Variants in MEGF9 observed in about 807,000 individuals in gnomAD.
MEGF9 encodes the protein multiple epidermal growth factor-like domains protein 9.
A neutral mutation model predicts 46.8 loss-of-function variants in MEGF9; 6 were observed. The ratio of observed to expected loss-of-function variants is 0.13; its 90% CI spans 0.07 to 0.25. The LOEUF is 0.25. Among genes scored for constraint, MEGF9 ranks in the 10% least tolerant of loss-of-function variants. The pLI is 1.00. For missense variants in MEGF9, 683 were observed against 792.4 expected (o/e 0.86, Z 1.66); for synonymous variants, 302 against 330.7 (o/e 0.91, Z 0.94).
At chr9:120,685,327 A>G (rs536645654) in intron 1 of MEGF9, among the ~76,000 whole-genome samples, 29 of 152,374 alleles carry the variant, frequency 1.9e-4, no homozygotes, top group African/African-American at 7.0e-4. Flanking sequence ...ACAACCGTCG[A>G]ACTTCCTCTA....
chr9:120,650,619 A>G (rs2043645457), intron 2 of MEGF9, among the ~76,000 whole-genome samples: 1 of 152,248 alleles, frequency 6.6e-6, no homozygotes, highest in Non-Finnish European at 1.5e-5. Flanking sequence ...GGCATAAAGA[A>G]TAGGGAAATG....
At chr9:120,615,678 T>C (rs2043469166) in intron 3 of MEGF9, among the ~76,000 whole-genome samples, 1 of 151,860 alleles carries the variant, frequency 6.6e-6, no homozygotes, top group Non-Finnish European at 1.5e-5. Context: ...GTGGATTGCT[T>C]GAGCCCCAGA....
chr9:120,667,113 A>G (rs2043728708), intron 1 of MEGF9, among the ~76,000 whole-genome samples: 3 of 152,216 alleles, frequency 2.0e-5, no homozygotes, highest in South Asian at 4.1e-4. Context: ...AGGTCTTACT[A>G]GATTCAATTT....
chr9:120,637,790 CAAAA>C (rs34861368), intron 2 of MEGF9, among the ~76,000 whole-genome samples: 1 of 34,776 alleles, frequency 2.9e-5, no homozygotes, highest in African/African-American at 1.1e-4. Context: ...GACTCTGTCT[CAAAA>C]AAAAAAAAAA....
rs1409259750 is a variant in MEGF9, at chr9:120,652,173, C to A, written c.803+7201G>T. ...ACACACACACACACACACACACACA[C>A]ACACACACAAAAAAAAAAAAAAAAA... On this transcript the variant is annotated intron_variant, in intron 2 of 5. Coordinates refer to ENST00000373930, the MANE Select transcript of MEGF9 (RefSeq NM_001080497.3). Among the ~76,000 whole-genome samples the A allele has an allele frequency of 3.1e-3, 78 of 25,440 alleles. 3 individuals are homozygous for A. The highest frequency in any genetic ancestry group is 9.0e-3 in the African/African-American group (70 of 7,802). 16.7% of individuals were successfully genotyped at this position (25,440 alleles called of 152,430 possible).
intron 2 of MEGF9, among the ~76,000 whole-genome samples, chr9:120,648,102 G>C (rs1321011058): frequency 6.6e-6 from 1 of 152,012 alleles, no homozygotes; most frequent in Non-Finnish European, 1.5e-5. Context: ...TTCTCAATCT[G>C]GTTTCCTTGC....
In MEGF9 at chr9:120,705,492, T is replaced by C. The variant is rs368227152; in HGVS notation, c.601+8266A>G. On this transcript the variant is annotated intron_variant, in intron 1 of 5. Transcript: ENST00000373930. ...AAAAGATATGAGTGAGAGGAACGCA[T>C]AGAAGGCTTTAAATTGAAAAAAAAT... 5.4e-5 allele frequency among the ~76,000 whole-genome samples: 8 copies of C among 148,412 alleles called. 1 individual carries two copies. The South Asian group carries it at 1.7e-3, about 32-fold the overall frequency.
chr9:120,710,995 C>T (rs1471816496), intron 1 of MEGF9, among the ~76,000 whole-genome samples: 1 of 152,070 alleles, frequency 6.6e-6, no homozygotes, highest in African/African-American at 2.4e-5. Context: ...ATTTTTTCAC[C>T]CAAAGACCAT....
intron 2 of MEGF9, among the ~76,000 whole-genome samples, chr9:120,632,019 C>A (rs990628278): frequency 6.6e-6 from 1 of 152,144 alleles, no homozygotes; most frequent in South Asian, 2.1e-4. Flanking sequence ...CCTCCACCTC[C>A]CAGGTTCAAG....
chr9:120,678,511 C>T (rs886650211), intron 1 of MEGF9, among the ~76,000 whole-genome samples: 36 of 152,142 alleles, frequency 2.4e-4, no homozygotes, highest in African/African-American at 8.2e-4. Flanking sequence ...CTCACTGTGT[C>T]GCCCAGGGTG....
At chr9:120,676,448 T>C (rs776522302) in intron 1 of MEGF9, among the ~76,000 whole-genome samples, 1 of 152,196 alleles carries the variant, frequency 6.6e-6, no homozygotes, top group Non-Finnish European at 1.5e-5. Context: ...TGGTTACAAC[T>C]GTGATTTTTT....
At chr9:120,667,467 T>C (rs984529107) in intron 1 of MEGF9, among the ~76,000 whole-genome samples, 1 of 152,238 alleles carries the variant, frequency 6.6e-6, no homozygotes, top group Non-Finnish European at 1.5e-5. Flanking sequence ...TTTTTTCATA[T>C]GCAATTGTTT....
At chr9:120,655,322 T>C (rs1439785087) in intron 2 of MEGF9, among the ~76,000 whole-genome samples, 1 of 152,162 alleles carries the variant, frequency 6.6e-6, no homozygotes, top group Non-Finnish European at 1.5e-5. Flanking sequence ...ATATTTACCA[T>C]TGTACTAAAA....
Position 120,622,266 on chromosome 9 carries a change from C to A in MEGF9, c.943+350G>T, listed in dbSNP as rs535172297. Among the ~76,000 whole-genome samples, 3 of 152,282 alleles carry A rather than the reference C, an allele frequency of 2.0e-5. No individual in the cohort carries two copies. In the South Asian group the frequency reaches 6.2e-4, roughly 32 times the overall value. On this transcript the variant is annotated intron_variant, in intron 3 of 5. Coordinates refer to ENST00000373930, the MANE Select transcript of MEGF9 (RefSeq NM_001080497.3). ...ATCTCTTTCCTAAAGAATTCCTTTG[C>A]TTGGGTCTAGCTCATTCTTTGCCTA... is the stretch of plus-strand genomic sequence containing the variant.
At chr9:120,612,045 A>G (rs1290809140) in intron 4 of MEGF9, among the ~76,000 whole-genome samples, 1 of 152,182 alleles carries the variant, frequency 6.6e-6, no homozygotes, top group Non-Finnish European at 1.5e-5. Context: ...ACTAATATAT[A>G]TATCAGGATT....
chr9:120,680,429 T>C (rs1425233783), intron 1 of MEGF9, among the ~76,000 whole-genome samples: 1 of 152,114 alleles, frequency 6.6e-6, no homozygotes, highest in African/African-American at 2.4e-5. Flanking sequence ...ATTCTGTGGA[T>C]TACCAAGCAG....
chr9:120,638,650 G>A (rs913398040), intron 2 of MEGF9, among the ~76,000 whole-genome samples: 2 of 152,142 alleles, frequency 1.3e-5, no homozygotes, highest in South Asian at 2.1e-4. Context: ...CTATATTCTC[G>A]CCAATACTTG....
chr9:120,701,415 C>T (rs1016083554), intron 1 of MEGF9, among the ~76,000 whole-genome samples: 4 of 152,154 alleles, frequency 2.6e-5, no homozygotes, highest in Non-Finnish European at 5.9e-5. Context: ...GACAACATTC[C>T]TACTCCTTAT....
chr9:120,624,679 G>A (rs12115533), intron 2 of MEGF9, among the ~76,000 whole-genome samples: 2,489 of 152,074 alleles, frequency 0.016, 62 homozygotes, highest in African/African-American at 0.056. Context: ...CCAGTGATCA[G>A]CCTGGCCAAC....
Sources: gnomAD v4.1 joint callset for allele counts (sites outside exome capture counted in the v4.1 genomes callset) on GRCh38, gnomAD v4.1.1 for gene constraint, MANE v1.5 for transcripts, NCBI Gene and HGNC (gene_info 2026-07-23, HGNC 2026-07-21) for gene names.